KCNU1: variants seen among roughly 807,000 people sequenced by gnomAD.
The protein encoded by KCNU1 is potassium calcium-activated channel subfamily U member 1, also known as potassium channel subfamily U member 1.
KCNU1 carries 93 observed loss-of-function variants against 126.8 expected under a neutral mutation model. The observed-to-expected ratio is 0.73, with a 90% CI of 0.62 to 0.87. The LOEUF is 0.87. Ranked by LOEUF, KCNU1 falls within the 40% of genes least tolerant of loss-of-function variation. KCNU1 has a pLI of 0.00. For missense variants in KCNU1, 1,330 were observed against 1,367.1 expected, an observed-to-expected ratio of 0.97 and a Z score of 0.43; for synonymous variants, 523 against 494.2, an observed-to-expected ratio of 1.06 and a Z score of -0.77.
intron 18 of KCNU1, among the ~76,000 whole-genome samples, chr8:36,858,488 C>CGTAT (rs1483957741): frequency 6.6e-6 from 1 of 152,104 alleles, no homozygotes; most frequent in Non-Finnish European, 1.5e-5. Context: ...TCTCACTATA[C>CGTAT]ATGTCATCCT....
chr8:36,835,025 A>G (rs1296399564), intron 12 of KCNU1, among the ~76,000 whole-genome samples, 157 bp downstream of exon 12: 1 of 152,174 alleles, frequency 6.6e-6, no homozygotes, highest in Admixed American at 6.5e-5. Flanking sequence ...CTGCTCCCCA[A>G]GACTGTGCAG....
intron 14 of KCNU1, among the ~76,000 whole-genome samples, chr8:36,838,046 C>T (rs1365298795): frequency 6.6e-6 from 1 of 152,208 alleles, no homozygotes; most frequent in African/African-American, 2.4e-5. Flanking sequence ...CGGAATGCTT[C>T]TGTAATTCCT....
chr8:36,911,032 T>A lies in KCNU1; in HGVS notation c.2434T>A (p.Leu812Met), dbSNP rs764695851. Residue 812 changes from leucine to methionine, a missense_variant, in exon 22 of 27, where the codon TTG (leucine) becomes ATG (methionine). Physicochemically the swap from Leu to Met is conservative, Grantham distance 15 (BLOSUM62 2). Transcript: ENST00000399881. ...PPPQPSSNQT[L>M]VDTEAIMATL... ...ACCCCAGCCATCAAGCAACCAGACTTTGGTAGACACAGAAGCCATCATGGC... is the reference window on the plus strand; with the variant it reads ...ACCCCAGCCATCAAGCAACCAGACTATGGTAGACACAGAAGCCATCATGGC... 39 of 1,612,770 alleles carry A rather than the reference T, an allele frequency of 2.4e-5. 1 individual carries two copies. In the South Asian group the frequency reaches 4.2e-4, roughly 17 times the overall value.
intron 19 of KCNU1, among the ~76,000 whole-genome samples, chr8:36,905,095 C>T (rs1471552263): frequency 6.6e-6 from 1 of 152,118 alleles, no homozygotes; most frequent in Non-Finnish European, 1.5e-5. Flanking sequence ...CATTATGAAA[C>T]AAGCTTGTGT....
chr8:36,882,907 A>G (rs1806541483), intron 19 of KCNU1, among the ~76,000 whole-genome samples: 1 of 152,180 alleles, frequency 6.6e-6, no homozygotes, highest in African/African-American at 2.4e-5. Context: ...ACTGTTAAAT[A>G]TTGCATCATT....
chr8:36,914,023 G>C (rs1807997556), intron 22 of KCNU1, among the ~76,000 whole-genome samples: 1 of 152,066 alleles, frequency 6.6e-6, no homozygotes, highest in Admixed American at 6.6e-5. Flanking sequence ...TAATATTATA[G>C]AAATTCCCAA....
intron 23 of KCNU1, among the ~76,000 whole-genome samples, chr8:36,921,385 A>G (rs1808338845): frequency 6.6e-6 from 1 of 152,122 alleles, no homozygotes; most frequent in Non-Finnish European, 1.5e-5. Context: ...CTATCTTCCA[A>G]TGCTGTTCTT....
In KCNU1 at chr8:36,889,977, G is replaced by GA. The variant is rs369891057; in HGVS notation, c.2010-15725dup. On this transcript the variant is annotated intron_variant, in intron 19 of 26. Transcript: ENST00000399881. ...AGTGAAGTGAATTAAAGTATTGAAA[G>GA]AAAAAACCCCATCAACCTAAAATCC... Among the ~76,000 whole-genome samples, 39 of 152,054 alleles carry GA rather than the reference G, an allele frequency of 2.6e-4. 1 individual carries two copies. The highest frequency in any genetic ancestry group is 9.2e-4 in the African/African-American group (38 of 41,530).
intron 10 of KCNU1, among the ~76,000 whole-genome samples, chr8:36,832,095 G>A (rs933784128): frequency 9.9e-5 from 15 of 152,122 alleles, no homozygotes; most frequent in African/African-American, 2.7e-4. Flanking sequence ...ATTTCTGAGG[G>A]CTCTGTTCTG....
chr8:36,785,064 G>A (rs746199800), intron 1 of KCNU1, among the ~76,000 whole-genome samples: 7 of 152,210 alleles, frequency 4.6e-5, no homozygotes, highest in Admixed American at 2.6e-4. Context: ...TATACCATAT[G>A]AAGACAACAC....
intron 16 of KCNU1, among the ~76,000 whole-genome samples, chr8:36,844,918 A>G (rs1252481951): frequency 6.6e-6 from 1 of 152,222 alleles, no homozygotes; most frequent in African/African-American, 2.4e-5. Context: ...AAGCCATAGC[A>G]GAGTACTGCA....
At chr8:36,796,444 C>T (rs914070115) in intron 2 of KCNU1, among the ~76,000 whole-genome samples, 6 of 152,122 alleles carry the variant, frequency 3.9e-5, no homozygotes, top group African/African-American at 1.4e-4. Context: ...TTGAAAGGGA[C>T]ATGTCAGACA....
chr8:36,849,057 A>C (rs995440692), intron 18 of KCNU1, among the ~76,000 whole-genome samples: 8 of 152,096 alleles, frequency 5.3e-5, no homozygotes, highest in African/African-American at 1.9e-4. Context: ...CACTACAATC[A>C]ATTTTAGAAC....
chr8:36,913,313 G>A (rs1343738208), intron 22 of KCNU1, among the ~76,000 whole-genome samples: 4 of 151,346 alleles, frequency 2.6e-5, no homozygotes, highest in African/African-American at 9.7e-5. Context: ...AGGAAAGAAG[G>A]AAAAAAAATT....
At chr8:36,915,014 G>A (rs1371973810) in intron 22 of KCNU1, among the ~76,000 whole-genome samples, 1 of 152,176 alleles carries the variant, frequency 6.6e-6, no homozygotes, top group Admixed American at 6.5e-5. Context: ...ATGGAGTTAA[G>A]GTGGAAATTC....
intron 19 of KCNU1, among the ~76,000 whole-genome samples, chr8:36,897,972 G>T (rs1447240696): frequency 6.6e-6 from 1 of 152,060 alleles, no homozygotes; most frequent in Non-Finnish European, 1.5e-5. Context: ...CTGGTACTAA[G>T]TAAAATGTTG....
At chr8:36,834,564 G>A (rs1356823300) in intron 11 of KCNU1, among the ~76,000 whole-genome samples, 1 of 152,194 alleles carries the variant, frequency 6.6e-6, no homozygotes, top group African/African-American at 2.4e-5. Context: ...ACCTATGTCA[G>A]AGACCCTGTG....
chr8:36,923,333 GATAA>G (rs1563339100), intron 24 of KCNU1, among the ~76,000 whole-genome samples: 1 of 152,180 alleles, frequency 6.6e-6, no homozygotes, highest in Non-Finnish European at 1.5e-5. Context: ...ACATGTGCAT[GATAA>G]ATAAGTAACA....
At chr8:36,851,387 A>C (rs13278174) in intron 18 of KCNU1, among the ~76,000 whole-genome samples, 33,370 of 119,580 alleles carry the variant, frequency 0.28, 4,227 homozygotes, top group Admixed American at 0.39. Flanking sequence ...CTCTCTCTCT[A>C]TCTCTCTCTC....
Sources: allele counts gnomAD v4.1 joint callset (sites outside exome capture counted in the v4.1 genomes callset), GRCh38; gene constraint gnomAD v4.1.1; transcripts MANE v1.5; gene names NCBI Gene and HGNC (gene_info 2026-07-23, HGNC 2026-07-21).